EDNRB: variants seen among roughly 807,000 people sequenced by gnomAD.
EDNRB encodes endothelin receptor type B.
EDNRB carries 18 observed loss-of-function variants against 46.4 expected under a neutral mutation model. The observed-to-expected ratio is 0.39, with a 90% CI of 0.27 to 0.57. EDNRB has a LOEUF of 0.57. Among genes scored for constraint, EDNRB ranks in the 20% least tolerant of loss-of-function variants. The pLI, the probability that EDNRB is intolerant of heterozygous loss-of-function variation, is 0.61. For synonymous variants in EDNRB, 213 were observed against 204.9 expected (o/e 1.04, Z -0.34); for missense variants, 434 against 537.5 (o/e 0.81, Z 1.90).
At chr13:77,900,106 T>G in intron 5 of EDNRB, 139 bp from the exon 6 acceptor site, 1 of 747,352 alleles carries the variant, frequency 1.3e-6, no homozygotes, top group East Asian at 2.7e-5. Flanking sequence ...TTGCTAACAA[T>G]GATTCTCTGC....
chr13:77,931,119 T>A (rs1880384532), intron 1 of EDNRB, among the ~76,000 whole-genome samples: 1 of 152,176 alleles, frequency 6.6e-6, no homozygotes, highest in Non-Finnish European at 1.5e-5. Context: ...AATTTCAGCC[T>A]GTTTTACTAA....
At chr13:77,932,760 A>G (rs917867837) in intron 1 of EDNRB, among the ~76,000 whole-genome samples, 1 of 152,254 alleles carries the variant, frequency 6.6e-6, no homozygotes, top group African/African-American at 2.4e-5. Flanking sequence ...AATCTGTTCA[A>G]TAATTGGTGT....
chr13:77,974,175 T>C (rs965196600), intron 1 of EDNRB, among the ~76,000 whole-genome samples: 3 of 152,184 alleles, frequency 2.0e-5, no homozygotes, highest in Non-Finnish European at 2.9e-5. Context: ...AGATGGCTTT[T>C]TTTTTCCTAA....
At chr13:77,973,391 A>G (rs563004045) in intron 1 of EDNRB, among the ~76,000 whole-genome samples, 215 of 152,204 alleles carry the variant, frequency 1.4e-3, no homozygotes, top group Non-Finnish European at 2.2e-3. Context: ...GTAAGATTTT[A>G]TAGACTCTTT....
chr13:77,949,020 T>G (rs1881013170), intron 1 of EDNRB, among the ~76,000 whole-genome samples: 1 of 152,210 alleles, frequency 6.6e-6, no homozygotes, highest in Non-Finnish European at 1.5e-5. Flanking sequence ...TCTACACATC[T>G]CAAAAATTAA....
At chr13:77,898,474 T>A in intron 6 of EDNRB, 140 bp from the exon 7 acceptor site, 2 of 1,229,864 alleles carry the variant, frequency 1.6e-6, no homozygotes, top group Non-Finnish European at 2.2e-6. Context: ...TTTTCCCTCT[T>A]AAAAGAATAT....
chr13:77,902,768 C>A (rs1400569803), intron 3 of EDNRB, among the ~76,000 whole-genome samples: 1 of 152,026 alleles, frequency 6.6e-6, no homozygotes, highest in East Asian at 1.9e-4. Context: ...CTCGCCATTG[C>A]TCCATTGTGA....
At chr13:77,968,072 A>G (rs1159326487) in intron 1 of EDNRB, among the ~76,000 whole-genome samples, 28 of 152,202 alleles carry the variant, frequency 1.8e-4, no homozygotes, top group Admixed American at 1.8e-3. Flanking sequence ...AGATTTCCTT[A>G]TCAGTAATAT....
At chr13:77,962,729 T>C (rs1013346130) in intron 1 of EDNRB, among the ~76,000 whole-genome samples, 12 of 152,172 alleles carry the variant, frequency 7.9e-5, no homozygotes, top group Non-Finnish European at 1.3e-4. Flanking sequence ...GGATGCCCTC[T>C]CTCACCACTC....
At chr13:77,933,937 C>T (rs1014858777) in intron 1 of EDNRB, among the ~76,000 whole-genome samples, 5 of 152,116 alleles carry the variant, frequency 3.3e-5, no homozygotes, top group African/African-American at 1.2e-4. Flanking sequence ...AGGAGAAAAA[C>T]AGGTATTAAA....
chr13:77,911,038 CTT>C (rs1208310051), intron 1 of EDNRB, among the ~76,000 whole-genome samples: 1 of 151,964 alleles, frequency 6.6e-6, no homozygotes. Context: ...TGATTGTACT[CTT>C]TTATTATCTA....
At chr13:77,959,766 T>C (rs537818962) in intron 1 of EDNRB, among the ~76,000 whole-genome samples, 43 of 152,204 alleles carry the variant, frequency 2.8e-4, no homozygotes, top group Non-Finnish European at 3.4e-4. Context: ...TTCGAACCCA[T>C]CATACAGAAG....
Position 77,897,137 on chromosome 13 carries a change from G to A in EDNRB, c.*1063C>T, listed in dbSNP as rs201509629. The A allele has an allele frequency of 2.4e-4, 239 of 985,726 alleles. No homozygotes were observed. In the Middle Eastern group the frequency reaches 3.7e-3, roughly 15 times the overall value. The allele number at this position is 985,726 out of a possible 1,614,324, so 61.1% of individuals were successfully genotyped here. ...AGGGTGCTACCTGCCCCTTTGTCAT[G>A]TGGACACTGCACCAGGCAGTTCACA... On this transcript the variant is annotated 3_prime_UTR_variant, in exon 7 of 7. Transcript: ENST00000646607.
chr13:77,954,275 A>C (rs2137677201), intron 1 of EDNRB, among the ~76,000 whole-genome samples: 1 of 152,020 alleles, frequency 6.6e-6, no homozygotes, highest in South Asian at 2.1e-4. Context: ...ATTTATAAAA[A>C]CTCCTTATAT....
chr13:77,928,210 GA>G (rs1253473707), intron 1 of EDNRB, among the ~76,000 whole-genome samples: 2 of 152,038 alleles, frequency 1.3e-5, no homozygotes, highest in African/African-American at 4.8e-5. Context: ...AAATTTGGAG[GA>G]ATAAGACATC....
intron 1 of EDNRB, among the ~76,000 whole-genome samples, chr13:77,962,598 T>C (rs1317022855): frequency 2.0e-5 from 3 of 152,090 alleles, no homozygotes; most frequent in South Asian, 2.1e-4. Context: ...TCTCAACAAA[T>C]TAGGTATTGA....
At chr13:77,906,363 A>G (rs1369184280) in intron 1 of EDNRB, among the ~76,000 whole-genome samples, 1 of 152,030 alleles carries the variant, frequency 6.6e-6, no homozygotes, top group Non-Finnish European at 1.5e-5. Flanking sequence ...TTATTCAGAC[A>G]ATATTCTGCT....
chr13:77,919,260 C>T (rs1879987593), upstream of EDNRB: 3 of 943,642 alleles, frequency 3.2e-6, no homozygotes, highest in South Asian at 1.8e-5. Context: ...CCTTCCTTTA[C>T]CCAACCTAAT....
At chr13:77,935,350 G>A (rs1037416590) in intron 1 of EDNRB, among the ~76,000 whole-genome samples, 23 of 152,172 alleles carry the variant, frequency 1.5e-4, no homozygotes, top group Non-Finnish European at 1.0e-4. Context: ...GGGTTCAGAT[G>A]AGTCAGGGAG....
Sources: allele counts gnomAD v4.1 joint callset (sites outside exome capture counted in the v4.1 genomes callset), GRCh38; gene constraint gnomAD v4.1.1; transcripts MANE v1.5; gene names NCBI Gene and HGNC (gene_info 2026-07-23, HGNC 2026-07-21).